Variants in FANCD2 observed in about 807,000 individuals in gnomAD.
FANCD2 encodes FA complementation group D2.
FANCD2 carries 131 observed loss-of-function variants against 192.3 expected under a neutral mutation model. The ratio of observed to expected loss-of-function variants is 0.68; its 90% CI spans 0.59 to 0.79. The LOEUF (loss-of-function observed/expected upper bound fraction) is 0.79. FANCD2 is among the 30% of genes least tolerant of loss of function. The probability of loss-of-function intolerance (pLI) is 0.00; values close to 1 mark genes in which losing one functional copy is unlikely to be tolerated. For synonymous variants in FANCD2, 524 were observed against 612.5 expected, an observed-to-expected ratio of 0.86 and a Z score of 2.13; for missense variants, 1,508 against 1,701.6, an observed-to-expected ratio of 0.89 and a Z score of 2.00.
Position 10,028,631 on chromosome 3 carries a change from A to AT in FANCD2, c.-24dup. On this transcript the variant is annotated 5_prime_UTR_variant, in exon 2 of 44. Coordinates refer to ENST00000675286, the MANE Select transcript of FANCD2 (RefSeq NM_001018115.3). ...TTTCCCGATTTTGCTCTAGGAAGTAATTTAAGTGCACAAGACATTGGTCAA... is the reference window on the plus strand; with the variant it reads ...TTTCCCGATTTTGCTCTAGGAAGTAATTTTAAGTGCACAAGACATTGGTCAA... The AT allele has an allele frequency of 6.2e-7, 1 of 1,607,328 alleles. No homozygotes were observed.
intron 30 of FANCD2, among the ~76,000 whole-genome samples, chr3:10,080,602 C>T (rs1466812437): frequency 1.3e-5 from 2 of 152,162 alleles, no homozygotes; most frequent in African/African-American, 2.4e-5. Context: ...TAAACCCCAT[C>T]TCTATAAAAA....
At chr3:10,033,783 C>T (rs1045816491) in intron 3 of FANCD2, among the ~76,000 whole-genome samples, 9 of 27,612 alleles carry the variant, frequency 3.3e-4, no homozygotes, top group Middle Eastern at 0.011. Context: ...TCACTGCAAG[C>T]TCCACCTCCC....
At position 10,052,455 on chromosome 3, in the gene FANCD2, A is replaced by C. The variant is rs141824395; in HGVS notation, c.1614A>C (p.Thr538=). The change falls in exon 18 of 44, where the codon ACA becomes ACC. Residue 538 remains threonine, a synonymous_variant. Transcript: ENST00000675286. ...QIRKLFYVLS[T]LAFSKQNEAS... ...GAAAACTCTTCTATGTTCTCAGCAC[A>C]CTGGCATTTAGCAAACAGAATGAAG... 575 of 1,612,654 alleles carry C rather than the reference A, an allele frequency of 3.6e-4. 2 individuals are homozygous for C. The highest frequency in any genetic ancestry group is 1.9e-3 in the South Asian group (177 of 91,016).
intron 2 of FANCD2, among the ~76,000 whole-genome samples, chr3:10,031,893 CA>C (rs2086611676): frequency 6.6e-6 from 1 of 152,142 alleles, no homozygotes; most frequent in African/African-American, 2.4e-5. Context: ...GTTGCTCAGG[CA>C]GGAGTGAAGT....
At chr3:10,067,062 T>C (rs1329624391) in intron 25 of FANCD2, 147 bp from the exon 26 acceptor site, 2 of 650,166 alleles carry the variant, frequency 3.1e-6, no homozygotes, top group Non-Finnish European at 5.5e-6. Context: ...TTTTTTTCTG[T>C]ATACCACGTT....
In FANCD2 at chr3:10,085,855, GCCCTCCATGTCC is replaced by G; in HGVS notation, c.3269_3280del (p.Ala1090_Leu1094delinsVal). 1 of 1,613,756 alleles carries G rather than the reference GCCCTCCATGTCC, an allele frequency of 6.2e-7. No individual in the cohort carries two copies. Among genetic ancestry groups the G allele is most frequent in the Non-Finnish European group, 8.5e-7 (1 of 1,179,780 alleles). On this transcript the variant is annotated inframe_deletion, in exon 33 of 44. Coordinates refer to ENST00000675286, the MANE Select transcript of FANCD2 (RefSeq NM_001018115.3). The stretch of plus-strand genomic sequence containing the variant: ...TGAAAATCAGAATTTACTGTATTCA[GCCCTCCATGTCC>G]TTAGTAGCCGACTGAAACAGGGAGA...
intron 20 of FANCD2, among the ~76,000 whole-genome samples, chr3:10,062,985 G>A (rs2087613340): frequency 6.6e-6 from 1 of 152,180 alleles, no homozygotes; most frequent in Admixed American, 6.5e-5. Flanking sequence ...ACAGATGTGA[G>A]CCACCACTCC....
chr3:10,026,978 C>CTT (rs35096513), intron 1 of FANCD2, among the ~76,000 whole-genome samples: 2 of 152,106 alleles, frequency 1.3e-5, no homozygotes, highest in African/African-American at 4.8e-5. Context: ...TGAAGCCAGA[C>CTT]TCCGAGTTAG....
chr3:10,076,718 T>G (rs1693563257), intron 29 of FANCD2, among the ~76,000 whole-genome samples: 1 of 152,034 alleles, frequency 6.6e-6, no homozygotes, highest in Non-Finnish European at 1.5e-5. Context: ...CCCGGCTAGT[T>G]TTTTTATTTG....
chr3:10,099,002 T>A lies in FANCD2; in HGVS notation c.4281+187T>A, dbSNP rs1407330440. ...GGACCCAGAAGAAACAACGACACAA[T>A]CTTAGAATCACTCCTGAGTATCTCG... On this transcript the variant is annotated intron_variant, in intron 43 of 43. Coordinates refer to ENST00000675286, the MANE Select transcript of FANCD2 (RefSeq NM_001018115.3). 3.1e-6 allele frequency: 5 copies of A among 1,613,652 alleles called. No homozygotes were observed. The South Asian group carries it at 5.5e-5, about 18-fold the overall frequency.
chr3:10,076,218 T>G (rs889093654), intron 29 of FANCD2, among the ~76,000 whole-genome samples: 1 of 151,654 alleles, frequency 6.6e-6, no homozygotes, highest in African/African-American at 2.4e-5. Context: ...AGCAAAACAT[T>G]AGAGGAAAAC....
chr3:10,073,361 AG>A lies in FANCD2; in HGVS notation c.2715+1del. 1 of 1,600,264 alleles carries A rather than the reference AG, an allele frequency of 6.2e-7. No homozygotes were observed. The highest frequency in any genetic ancestry group is 8.6e-7 in the Non-Finnish European group (1 of 1,167,440). ...PTPSHRGQLN[K>X]EFTGKEEKTS... Reference sequence around the variant, plus strand: ...CCATCTCATAGAGGCCAGCTAAACAAGGTATTGGAATGATGGGTATCCGTGA... The same window carrying A: ...CCATCTCATAGAGGCCAGCTAAACAAGTATTGGAATGATGGGTATCCGTGA... On this transcript the variant is annotated frameshift_variant and splice_region_variant, in exon 28 of 44. Coordinates refer to ENST00000675286, the MANE Select transcript of FANCD2 (RefSeq NM_001018115.3). LOFTEE classifies it high-confidence loss of function.
At chr3:10,052,570 T>A in intron 18 of FANCD2, 73 bp downstream of exon 18, 1 of 1,005,198 alleles carries the variant, frequency 9.9e-7, no homozygotes, top group South Asian at 1.3e-5. Flanking sequence ...TAGACTGGAG[T>A]GCAGTTGGCA....
At chr3:10,084,482 G>C (rs1265731707) in intron 32 of FANCD2, among the ~76,000 whole-genome samples, 2 of 151,154 alleles carry the variant, frequency 1.3e-5, no homozygotes, top group African/African-American at 4.9e-5. Flanking sequence ...TTCTTTGGTA[G>C]AGACGGGGTT....
At chr3:10,082,641 A>T (rs1693913833) in intron 32 of FANCD2, among the ~76,000 whole-genome samples, 1 of 151,782 alleles carries the variant, frequency 6.6e-6, no homozygotes, top group Admixed American at 6.6e-5. Flanking sequence ...TCCTGCCAGG[A>T]CCCCCACTCT....
intron 29 of FANCD2, among the ~76,000 whole-genome samples, chr3:10,074,921 A>G (rs1424612137): frequency 1.3e-5 from 2 of 148,354 alleles, no homozygotes; most frequent in African/African-American, 5.3e-5. Context: ...TTAGGTTACT[A>G]CTACTACTAC....
chr3:10,091,797 AAGAATC>A (rs1374489539), intron 37 of FANCD2, among the ~76,000 whole-genome samples: 1 of 152,202 alleles, frequency 6.6e-6, no homozygotes, highest in Non-Finnish European at 1.5e-5. Context: ...CAAGACATAG[AAGAATC>A]AGCAACTACC....
At chr3:10,062,790 A>T (rs1009621398) in intron 20 of FANCD2, among the ~76,000 whole-genome samples, 11 of 152,000 alleles carry the variant, frequency 7.2e-5, no homozygotes, top group African/African-American at 2.7e-4. Context: ...GGTTCAAGCA[A>T]TTCTCCTGCC....
rs148545267 is a variant in FANCD2, at chr3:10,063,422, G to A, written c.1828-370G>A. Among the ~76,000 whole-genome samples, 19 of 152,294 alleles carry A rather than the reference G, an allele frequency of 1.2e-4. 1 individual carries two copies. Among genetic ancestry groups the A allele is most frequent in the African/African-American group, 3.6e-4 (15 of 41,556 alleles). On this transcript the variant is annotated intron_variant, in intron 20 of 43. Coordinates refer to ENST00000675286, the MANE Select transcript of FANCD2 (RefSeq NM_001018115.3). ...ACTATACTCCAGCCTGGACGACAGA[G>A]CAAGGCTCCATCTCAAAAGAAAAAA... is the stretch of plus-strand genomic sequence containing the variant.
Sources: gnomAD v4.1 joint callset for allele counts (sites outside exome capture counted in the v4.1 genomes callset) on GRCh38, gnomAD v4.1.1 for gene constraint, MANE v1.5 for transcripts, NCBI Gene and HGNC (gene_info 2026-07-23, HGNC 2026-07-21) for gene names.